Variants in SYNE1 observed in about 807,000 individuals in gnomAD.
The protein encoded by SYNE1 is spectrin repeat containing nuclear envelope protein 1, also known as nesprin-1.
SYNE1 carries 616 observed loss-of-function variants against 1,111.0 expected under a neutral mutation model. The observed-to-expected ratio is 0.55, with a 90% CI of 0.52 to 0.59. The LOEUF (loss-of-function observed/expected upper bound fraction) is 0.59, where lower values mean the gene tolerates loss of function less well. Ranked by LOEUF, SYNE1 falls within the 20% of genes least tolerant of loss-of-function variation. The pLI, the probability that SYNE1 is intolerant of heterozygous loss-of-function variation, is 0.00. For missense variants in SYNE1, 10,006 were observed against 10,417.0 expected, an observed-to-expected ratio of 0.96 and a Z score of 1.72; for synonymous variants, 3,855 against 3,825.8, an observed-to-expected ratio of 1.01 and a Z score of -0.28.
chr6:152,363,477 G>C (rs902678622), intron 63 of SYNE1, among the ~76,000 whole-genome samples: 1 of 150,506 alleles, frequency 6.6e-6, no homozygotes, highest in Non-Finnish European at 1.5e-5. Flanking sequence ...CTGGGCGACA[G>C]AGCAAGACTC....
At position 152,325,206 on chromosome 6, in the gene SYNE1, C is replaced by G; in HGVS notation, c.15535G>C (p.Ala5179Pro). Residue 5179 changes from alanine to proline, a missense_variant, in exon 81 of 146, where the codon GCC (alanine) becomes CCC (proline). By Grantham distance (27) the Ala-to-Pro change is conservative. Around this residue, in one of 7 missense-constraint regions of SYNE1, gnomAD observed 4,955 missense variants for 5,017.2 expected, o/e 0.99. Coordinates refer to ENST00000367255, the MANE Select transcript of SYNE1 (RefSeq NM_182961.4). ...GTGGTCATTGACCTGCTCAGGGTGG[C>G]TTTGCTGGCATCATTTCCGGTTTTC... ...LEKTGNDASK[A>P]TLSRSMTTVW... The G allele has an allele frequency of 6.2e-7, 1 of 1,614,142 alleles. No individual in the cohort carries two copies. Among genetic ancestry groups the G allele is most frequent in the Non-Finnish European group, 8.5e-7 (1 of 1,180,038 alleles).
At chr6:152,587,301 TATC>T (rs1043242589) in intron 3 of SYNE1, among the ~76,000 whole-genome samples, 1 of 152,180 alleles carries the variant, frequency 6.6e-6, no homozygotes, top group Non-Finnish European at 1.5e-5. Flanking sequence ...CATCCTTCCT[TATC>T]ATCTTTTACC....
chr6:152,308,417 C>T (rs2095445474), intron 91 of SYNE1, 72 bp downstream of exon 91: 1 of 1,605,206 alleles, frequency 6.2e-7, no homozygotes, highest in African/African-American at 1.3e-5. Flanking sequence ...CTCTTCCATT[C>T]TCTAGAAACC....
At chr6:152,255,121 T>C (rs1254869476) in intron 103 of SYNE1, 32 bp from the exon 104 acceptor site, 5 of 1,515,988 alleles carry the variant, frequency 3.3e-6, no homozygotes, top group Middle Eastern at 3.4e-4. Flanking sequence ...TTTTCAGTGT[T>C]TAGATACATG....
Position 152,436,007 on chromosome 6 carries a change from A to T in SYNE1, c.4244T>A (p.Leu1415Gln), listed in dbSNP as rs1431065426. 6.2e-7 allele frequency: 1 copy of T among 1,614,040 alleles called. No homozygotes were observed. Among genetic ancestry groups the T allele is most frequent in the African/African-American group, 1.3e-5 (1 of 74,916 alleles). The change falls in exon 33 of 146, where the codon CTG becomes CAG. Residue 1415 changes from leucine to glutamine, a missense_variant. Coordinates refer to ENST00000367255, the MANE Select transcript of SYNE1 (RefSeq NM_182961.4). ...EIPLGPQNKQ[L>Q]LQQQAKSIKE... ...GATTGACTTGGCCTGCTGTTGAAGCAGCTGCTTATTTTGGGGCCCAAGCGG... is the reference window on the plus strand; with the variant it reads ...GATTGACTTGGCCTGCTGTTGAAGCTGCTGCTTATTTTGGGGCCCAAGCGG...
chr6:152,567,694 A>G (rs539417063), intron 3 of SYNE1, among the ~76,000 whole-genome samples: 60 of 152,160 alleles, frequency 3.9e-4, no homozygotes, highest in African/African-American at 1.4e-3. Flanking sequence ...AAAATCCAAG[A>G]AAAAAAAGTA....
chr6:152,521,850 T>C (rs1225116249), intron 5 of SYNE1, among the ~76,000 whole-genome samples: 1 of 152,182 alleles, frequency 6.6e-6, no homozygotes, highest in Non-Finnish European at 1.5e-5. Context: ...ATAGTCTTAA[T>C]TTTAATATAT....
intron 129 of SYNE1, among the ~76,000 whole-genome samples, chr6:152,178,914 T>A (rs921853274): frequency 3.4e-5 from 5 of 146,424 alleles, no homozygotes; most frequent in Non-Finnish European, 6.0e-5. Flanking sequence ...CCAATTCTTT[T>A]TTTTTTTTTT....
chr6:152,419,559 AC>A lies in SYNE1; in HGVS notation c.5421+9del, dbSNP rs774622835. The A allele has an allele frequency of 1.3e-6, 2 of 1,598,064 alleles. No individual in the cohort carries two copies. Among genetic ancestry groups the A allele is most frequent in the East Asian group, 2.2e-5 (1 of 44,750 alleles). On this transcript the variant is annotated intron_variant, in intron 40 of 145. Coordinates refer to ENST00000367255, the MANE Select transcript of SYNE1 (RefSeq NM_182961.4). ...CTTCTTCAATCTTAAAAAAAAAAAAACCACTTTACCTTATGCCGAGTAAGGG... is the reference window on the plus strand; with the variant it reads ...CTTCTTCAATCTTAAAAAAAAAAAAACACTTTACCTTATGCCGAGTAAGGG...
At chr6:152,376,746 A>C in intron 57 of SYNE1, 30 bp downstream of exon 57, 1 of 1,612,904 alleles carries the variant, frequency 6.2e-7, no homozygotes, top group East Asian at 2.2e-5. Flanking sequence ...GTATAAAAAT[A>C]TCTTGAACAC....
intron 87 of SYNE1, among the ~76,000 whole-genome samples, chr6:152,312,931 G>T (rs970145075): frequency 3.9e-5 from 6 of 151,998 alleles, no homozygotes; most frequent in Non-Finnish European, 1.5e-5. Context: ...AATAATGTGG[G>T]GCAAATCCAG....
At chr6:152,362,059 A>T in intron 64 of SYNE1, 111 bp downstream of exon 64, 1 of 1,439,576 alleles carries the variant, frequency 6.9e-7, no homozygotes, top group South Asian at 1.2e-5. Context: ...CCCCAAACGT[A>T]ATTTGCTTAT....
chr6:152,142,076 T>TA (rs879383770), intron 138 of SYNE1, among the ~76,000 whole-genome samples: 29 of 147,060 alleles, frequency 2.0e-4, no homozygotes, highest in East Asian at 2.0e-4. Flanking sequence ...CCCTGTCTCT[T>TA]AAAAAAAAAA....
At chr6:152,361,603 G>A (rs1284658815) in intron 64 of SYNE1, among the ~76,000 whole-genome samples, 2 of 152,186 alleles carry the variant, frequency 1.3e-5, no homozygotes, top group African/African-American at 2.4e-5. Flanking sequence ...CTGTGTAGAA[G>A]ATCACAAGTG....
intron 3 of SYNE1, among the ~76,000 whole-genome samples, chr6:152,548,687 T>G (rs2099326547): frequency 6.6e-6 from 1 of 152,144 alleles, no homozygotes; most frequent in South Asian, 2.1e-4. Flanking sequence ...GAATGTACTT[T>G]CCATGCAGAA....
At chr6:152,490,981 A>G (rs2098967287) in intron 11 of SYNE1, among the ~76,000 whole-genome samples, 1 of 152,182 alleles carries the variant, frequency 6.6e-6, no homozygotes, top group Non-Finnish European at 1.5e-5. Flanking sequence ...AATAGAGACA[A>G]AGGAGACACA....
At position 152,166,723 on chromosome 6, in the gene SYNE1, G is replaced by A. The variant is rs1383982356; in HGVS notation, c.23628-2398C>T. Among the ~76,000 whole-genome samples the A allele has an allele frequency of 5.3e-5, 8 of 152,266 alleles. No homozygotes were observed. The East Asian group carries it at 1.2e-3, about 22-fold the overall frequency. On this transcript the variant is annotated intron_variant, in intron 130 of 145. Coordinates refer to ENST00000367255, the MANE Select transcript of SYNE1 (RefSeq NM_182961.4). ...AATGTGTAAATTTAGTAAAGTCGAC[G>A]GGGGTGAACATTTAAGCAGTTCTTT...
chr6:152,224,714 T>C, intron 116 of SYNE1, 50 bp from the exon 117 acceptor site: 1 of 1,553,020 alleles, frequency 6.4e-7, no homozygotes, highest in Non-Finnish European at 8.9e-7. Context: ...TCTAGAATGA[T>C]GGAATATATA....
intron 3 of SYNE1, among the ~76,000 whole-genome samples, chr6:152,596,266 G>GTTTTTTTTTTTTT (rs1480694776): frequency 4.2e-5 from 5 of 118,756 alleles, no homozygotes; most frequent in African/African-American, 1.2e-4. Context: ...TTTTTTGTTT[G>GTTTTTTTTTTTTT]TTTGTTTTTT....
Sources: gnomAD v4.1 joint callset for allele counts (sites outside exome capture counted in the v4.1 genomes callset) on GRCh38, gnomAD v4.1.1 for gene constraint, gnomAD v4.1.1 regional missense constraint, MANE v1.5 for transcripts, NCBI Gene and HGNC (gene_info 2026-07-23, HGNC 2026-07-21) for gene names.